NIPBL: variants seen among roughly 807,000 people sequenced by gnomAD.
NIPBL encodes NIPBL cohesin loading factor.
A neutral mutation model predicts 321.8 loss-of-function variants in NIPBL; 19 were observed. That is an observed-to-expected ratio of 0.06 (90% CI 0.04 to 0.09). The LOEUF (loss-of-function observed/expected upper bound fraction) is 0.09. Among genes scored for constraint, NIPBL ranks in the 10% least tolerant of loss-of-function variants. The pLI is 1.00. For synonymous variants in NIPBL, 1,106 were observed against 1,114.1 expected, an observed-to-expected ratio of 0.99 and a Z score of 0.14; for missense variants, 2,210 against 3,327.0, an observed-to-expected ratio of 0.66 and a Z score of 8.26.
Position 37,064,992 on chromosome 5 carries a change from G to T in NIPBL, c.*100G>T. 1 of 1,434,224 alleles carries T rather than the reference G, an allele frequency of 7.0e-7. No homozygotes were observed. The highest frequency in any genetic ancestry group is 1.8e-4 in the Middle Eastern group (1 of 5,430). 88.8% of individuals were successfully genotyped at this position (1,434,224 alleles called of 1,614,324 possible). On this transcript the variant is annotated 3_prime_UTR_variant, in exon 47 of 47. Transcript: ENST00000282516. Reference sequence around the variant, plus strand: ...CAAAAAAAAATCAGTTTTATGAAGAGTAAGTGGAACCTGGGATGCAGGAAC... The same window carrying T: ...CAAAAAAAAATCAGTTTTATGAAGATTAAGTGGAACCTGGGATGCAGGAAC...
intron 21 of NIPBL, among the ~76,000 whole-genome samples, chr5:37,013,270 G>A (rs1254514815): frequency 1.4e-5 from 2 of 147,360 alleles, no homozygotes; most frequent in Non-Finnish European, 3.0e-5. Flanking sequence ...CTCACCTCGC[G>A]GATGGGGCGG....
At chr5:37,048,719 TATA>T in intron 39 of NIPBL, 44 bp downstream of exon 39, 1 of 1,386,086 alleles carries the variant, frequency 7.2e-7, no homozygotes, top group Non-Finnish European at 1.0e-6. Flanking sequence ...ACATTTATAT[TATA>T]ATGGCTTTAT....
chr5:37,041,252 GTTTTTTTTTTT>G (rs1163179336), intron 34 of NIPBL, among the ~76,000 whole-genome samples: 16 of 63,996 alleles, frequency 2.5e-4, no homozygotes, highest in African/African-American at 1.0e-3. Context: ...TTATGTGGTG[GTTTTTTTTTTT>G]TTTTTTTTTT....
At chr5:36,958,883 T>A (rs534716498) in intron 4 of NIPBL, among the ~76,000 whole-genome samples, 1 of 152,244 alleles carries the variant, frequency 6.6e-6, no homozygotes, top group South Asian at 2.1e-4. Context: ...CTTCAGAAAG[T>A]TCAACTTTGT....
At chr5:36,886,103 C>T in intron 1 of NIPBL, 1 of 676,524 alleles carries the variant, frequency 1.5e-6, no homozygotes, top group Non-Finnish European at 2.7e-6. Context: ...GGAGCTGAGA[C>T]ATACGGTCCA....
At chr5:36,946,421 G>A (rs145451980) in intron 1 of NIPBL, among the ~76,000 whole-genome samples, 170 of 152,136 alleles carry the variant, frequency 1.1e-3, no homozygotes, top group African/African-American at 3.9e-3. Flanking sequence ...TAAACATGTG[G>A]ATGGTAGCTG....
At chr5:36,953,393 C>CA (rs1740617818) in intron 1 of NIPBL, among the ~76,000 whole-genome samples, 2 of 152,026 alleles carry the variant, frequency 1.3e-5, no homozygotes, top group East Asian at 1.9e-4. Flanking sequence ...TAGTAAAATG[C>CA]AAAAAACAAT....
chr5:37,013,135 C>CA (rs1748397272), intron 21 of NIPBL, among the ~76,000 whole-genome samples: 1 of 150,316 alleles, frequency 6.7e-6, no homozygotes, highest in South Asian at 2.1e-4. Flanking sequence ...AGGCGCCCCT[C>CA]ACCTCCCGGA....
rs1753392699 is a variant in NIPBL, at chr5:37,050,260, T to A, written c.6954+959T>A. Among the ~76,000 whole-genome samples the A allele has an allele frequency of 2.0e-5, 3 of 151,962 alleles. No individual in the cohort carries two copies. The South Asian group carries it at 6.2e-4, about 32-fold the overall frequency. ...TGGGCGGATCACTTGAGTCAGGAGT[T>A]CAAAACCAGCATAGCCAACATGGCA... On this transcript the variant is annotated intron_variant, in intron 40 of 46. Coordinates refer to ENST00000282516, the MANE Select transcript of NIPBL (RefSeq NM_133433.4).
chr5:36,964,599 C>G (rs1201193147), intron 6 of NIPBL, among the ~76,000 whole-genome samples: 1 of 152,120 alleles, frequency 6.6e-6, no homozygotes, highest in Non-Finnish European at 1.5e-5. Context: ...TGAAGAAACA[C>G]TCCAGGATGT....
Position 37,024,794 on chromosome 5 carries a change from G to T in NIPBL, c.5709+75G>T. On this transcript the variant is annotated intron_variant, in intron 30 of 46. Coordinates refer to ENST00000282516, the MANE Select transcript of NIPBL (RefSeq NM_133433.4). ...TAAATGTTTATTGCACCTAAATGTT[G>T]ATTTTAAATATATCCAAACACTTTA... is the stretch of plus-strand genomic sequence containing the variant. 4.4e-6 allele frequency: 5 copies of T among 1,138,820 alleles called. No homozygotes were observed. The African/African-American group carries it at 6.2e-5, about 14-fold the overall frequency. The allele number at this position is 1,138,820 out of a possible 1,614,324, so 70.5% of individuals were successfully genotyped here.
intron 1 of NIPBL, among the ~76,000 whole-genome samples, chr5:36,896,498 A>C (rs1417553506): frequency 6.6e-6 from 1 of 152,230 alleles, no homozygotes; most frequent in Non-Finnish European, 1.5e-5. Flanking sequence ...TTAAATCTGT[A>C]GATGAGTTTG....
In NIPBL at chr5:36,971,051, A is replaced by G; in HGVS notation, c.771+15A>G. 1 of 1,602,566 alleles carries G rather than the reference A, an allele frequency of 6.2e-7. No homozygotes were observed. Among genetic ancestry groups the G allele is most frequent in the South Asian group, 1.1e-5 (1 of 90,776 alleles). The stretch of plus-strand genomic sequence containing the variant: ...TAAGTAGTGACGTATGTAATATATT[A>G]TCATTAAGGTGATAAAATAGTTCTA... On this transcript the variant is annotated intron_variant, in intron 7 of 46. Transcript: ENST00000282516.
chr5:37,020,910 A>ATTGATTT (rs1303144083), intron 27 of NIPBL, 33 bp downstream of exon 27: 1 of 1,421,502 alleles, frequency 7.0e-7, no homozygotes, highest in East Asian at 2.3e-5. Context: ...ATACAGTGAT[A>ATTGATTT]TTGATTTTTC....
Position 36,973,562 on chromosome 5 carries a change from G to C in NIPBL, c.868+1521G>C, listed in dbSNP as rs568080143. Among the ~76,000 whole-genome samples the C allele has an allele frequency of 1.6e-4, 25 of 152,086 alleles. No individual in the cohort carries two copies. In the South Asian group the frequency reaches 5.2e-3, roughly 32 times the overall value. On this transcript the variant is annotated intron_variant, in intron 8 of 46. Transcript: ENST00000282516. ...GGCTCACTGCAATCTCCACCTCCCG[G>C]GTTCAAACGATTCTCCTGCCTCAGC...
At chr5:36,963,534 G>T (rs1478884099) in intron 6 of NIPBL, among the ~76,000 whole-genome samples, 1 of 151,908 alleles carries the variant, frequency 6.6e-6, no homozygotes, top group East Asian at 1.9e-4. Flanking sequence ...AGGTGTGGTG[G>T]TATGCACTTG....
At chr5:37,056,089 A>G (rs1352670219) in intron 42 of NIPBL, among the ~76,000 whole-genome samples, 1 of 152,170 alleles carries the variant, frequency 6.6e-6, no homozygotes, top group Non-Finnish European at 1.5e-5. Context: ...TGAAGAAAAT[A>G]TGTATATTTT....
intron 1 of NIPBL, among the ~76,000 whole-genome samples, chr5:36,878,710 C>A (rs939475273): frequency 6.6e-6 from 1 of 152,176 alleles, no homozygotes; most frequent in Non-Finnish European, 1.5e-5. Context: ...TTCCTGCAAA[C>A]GTACGGATAA....
At chr5:36,949,679 A>AT (rs1252792869) in intron 1 of NIPBL, among the ~76,000 whole-genome samples, 1 of 151,810 alleles carries the variant, frequency 6.6e-6, no homozygotes, top group Admixed American at 6.6e-5. Flanking sequence ...AAAATGATGC[A>AT]TTTTTTTAAG....
Sources: allele counts gnomAD v4.1 joint callset (sites outside exome capture counted in the v4.1 genomes callset), GRCh38; gene constraint gnomAD v4.1.1; transcripts MANE v1.5; gene names NCBI Gene and HGNC (gene_info 2026-07-23, HGNC 2026-07-21).